Variants in TRIM37 observed in about 807,000 individuals in gnomAD.
The protein encoded by TRIM37 is tripartite motif containing 37.
Under a neutral mutation model 129.8 loss-of-function variants are expected in TRIM37, and 80 were observed. The observed-to-expected ratio is 0.62, with a 90% CI of 0.51 to 0.74. TRIM37 has a LOEUF of 0.74. Among genes scored for constraint, TRIM37 ranks in the 30% least tolerant of loss-of-function variants. The probability of loss-of-function intolerance (pLI) is 0.00; values close to 1 mark genes in which losing one functional copy is unlikely to be tolerated. For synonymous variants in TRIM37, 389 were observed against 387.1 expected (o/e 1.00, Z -0.06); for missense variants, 1,054 against 1,176.5 (o/e 0.90, Z 1.52).
chr17:58,979,898 G>A, downstream of TRIM37: 1 of 1,138,916 alleles, frequency 8.8e-7, no homozygotes, highest in Non-Finnish European at 1.3e-6. Flanking sequence ...TCAGAGTCAT[G>A]GCATTGGTCA....
At chr17:58,972,902 G>GTC in the TRIM37 span, 1 of 1,613,096 alleles carries the variant, frequency 6.2e-7, no homozygotes, top group Non-Finnish European at 8.5e-7. Context: ...GTGAATGGAA[G>GTC]TCTGTCGGTT....
At chr17:58,989,653 A>G (rs2032162732) in intron 24 of TRIM37, among the ~76,000 whole-genome samples, 2 of 152,170 alleles carry the variant, frequency 1.3e-5, no homozygotes, top group South Asian at 4.1e-4. Context: ...CATCTTGAAG[A>G]TAAGTTAAAA....
downstream of TRIM37, among the ~76,000 whole-genome samples, chr17:58,978,719 T>C (rs2031178114): frequency 6.6e-6 from 1 of 151,952 alleles, no homozygotes; most frequent in Non-Finnish European, 1.5e-5. Flanking sequence ...AATAAAAAAG[T>C]GAATTGAGAG....
At chr17:58,996,433 G>A (rs1214619473), downstream of TRIM37, among the ~76,000 whole-genome samples, 6 of 148,580 alleles carry the variant, frequency 4.0e-5, no homozygotes, top group Admixed American at 2.0e-4. Flanking sequence ...TCATGCCACT[G>A]CACTCCAGCC....
rs937293085 is a variant in TRIM37, at chr17:59,019,600, T to C, written c.2258-2176A>G. On this transcript the variant is annotated intron_variant, in intron 19 of 23. Transcript: ENST00000262294. ...GCGCACACCTGTAGTCCCAGCTACT[T>C]GGGAGGCTGAGGCAGGAGAATGGCG... 3.3e-5 allele frequency among the ~76,000 whole-genome samples: 5 copies of C among 151,260 alleles called. No homozygotes were observed. The East Asian group carries it at 5.9e-4, about 18-fold the overall frequency.
intron 3 of TRIM37, among the ~76,000 whole-genome samples, chr17:59,090,423 T>C (rs2044187057): frequency 6.6e-6 from 1 of 152,224 alleles, no homozygotes; most frequent in East Asian, 1.9e-4. Context: ...ACAATCATAC[T>C]GGATTAGGGC....
intron 19 of TRIM37, among the ~76,000 whole-genome samples, chr17:59,019,793 G>C (rs1326848896): frequency 6.6e-6 from 1 of 152,100 alleles, no homozygotes; most frequent in African/African-American, 2.4e-5. Flanking sequence ...GGGAAGATGG[G>C]GAACGACTTT....
intron 24 of TRIM37, among the ~76,000 whole-genome samples, chr17:58,986,162 C>T (rs2031786310): frequency 6.6e-6 from 1 of 152,076 alleles, no homozygotes; most frequent in African/African-American, 2.4e-5. Flanking sequence ...TGAGCATTCC[C>T]CCCCACACCC....
chr17:59,061,459 C>A (rs1719961634), intron 11 of TRIM37, among the ~76,000 whole-genome samples: 1 of 151,704 alleles, frequency 6.6e-6, no homozygotes, highest in South Asian at 2.1e-4. Flanking sequence ...AATTTTAAAC[C>A]AAAAATTAAT....
Position 59,049,163 on chromosome 17 carries a change from T to C in TRIM37, c.1530+15A>G, listed in dbSNP as rs373947772. 18 of 1,605,212 alleles carry C rather than the reference T, an allele frequency of 1.1e-5. No homozygotes were observed. The African/African-American group carries it at 2.3e-4, about 20-fold the overall frequency. Reference sequence around the variant, plus strand: ...TTAATCAAACACAAAAATCTAAAACTGGCCTCATTATTACATGATAATCTT... The same window carrying C: ...TTAATCAAACACAAAAATCTAAAACCGGCCTCATTATTACATGATAATCTT... On this transcript the variant is annotated intron_variant, in intron 15 of 23. Transcript: ENST00000262294.
At chr17:59,012,102 A>G (rs1344829680) in intron 22 of TRIM37, among the ~76,000 whole-genome samples, 1 of 152,098 alleles carries the variant, frequency 6.6e-6, no homozygotes, top group Non-Finnish European at 1.5e-5. Context: ...TTGGTATCTT[A>G]GCAAATCAAA....
chr17:58,981,230 CA>C (rs1167143733), downstream of TRIM37: 1 of 528,238 alleles, frequency 1.9e-6, no homozygotes, highest in Non-Finnish European at 3.3e-6. Context: ...GTTTCACTTG[CA>C]AAATTACACA....
At chr17:58,977,440 C>CAAAAAA in the TRIM37 span, among the ~76,000 whole-genome samples, 1 of 62,106 alleles carries the variant, frequency 1.6e-5, no homozygotes. Flanking sequence ...GACTCTGTCT[C>CAAAAAA]AAAAAAAAAA....
Position 59,011,651 on chromosome 17 carries a change from G to A in TRIM37, c.2695+677C>T, listed in dbSNP as rs146790336. The stretch of plus-strand genomic sequence containing the variant: ...CTAAGCACCTCTGTTGCCCCAAATT[G>A]CAAAATGTCTTCTATGCTTTTAGAT... On this transcript the variant is annotated intron_variant, in intron 22 of 23. Coordinates refer to ENST00000262294, the MANE Select transcript of TRIM37 (RefSeq NM_015294.6). Among the ~76,000 whole-genome samples the A allele has an allele frequency of 4.7e-3, 713 of 152,276 alleles. 3 individuals are homozygous for A. Among genetic ancestry groups the A allele is most frequent in the African/African-American group, 0.017 (689 of 41,550 alleles).
intron 4 of TRIM37, among the ~76,000 whole-genome samples, chr17:59,086,396 G>A (rs897195346): frequency 1.3e-5 from 2 of 151,872 alleles, no homozygotes; most frequent in African/African-American, 4.8e-5. Flanking sequence ...ATGCCACCAC[G>A]CCCAGCTAAT....
At chr17:59,047,136 G>C (rs1015802947) in intron 16 of TRIM37, among the ~76,000 whole-genome samples, 3 of 150,280 alleles carry the variant, frequency 2.0e-5, no homozygotes, top group African/African-American at 4.9e-5. Context: ...CTGGGCGACA[G>C]AGCGAGACTC....
intron 24 of TRIM37, among the ~76,000 whole-genome samples, chr17:58,992,268 A>AAT (rs1454919085): frequency 7.7e-5 from 11 of 143,498 alleles, no homozygotes; most frequent in Admixed American, 1.4e-4. Context: ...TATAAATATA[A>AAT]ATATATATAT....
chr17:59,026,974 T>C (rs1049344896), intron 19 of TRIM37, among the ~76,000 whole-genome samples: 2 of 152,232 alleles, frequency 1.3e-5, no homozygotes, highest in African/African-American at 4.8e-5. Flanking sequence ...CTCCTATTTA[T>C]CAGATCTTTA....
intron 8 of TRIM37, among the ~76,000 whole-genome samples, chr17:59,071,679 A>G (rs895422300): frequency 6.6e-6 from 1 of 152,288 alleles, no homozygotes; most frequent in East Asian, 1.9e-4. Context: ...ACACACACAC[A>G]CGCACTATCT....
Sources: gnomAD v4.1 joint callset for allele counts (sites outside exome capture counted in the v4.1 genomes callset) on GRCh38, gnomAD v4.1.1 for gene constraint, MANE v1.5 for transcripts, NCBI Gene and HGNC (gene_info 2026-07-23, HGNC 2026-07-21) for gene names.